ENOX1: variants seen among roughly 807,000 people sequenced by gnomAD.
ENOX1 encodes ecto-NOX disulfide-thiol exchanger 1, also known as candidate growth-related and time keeping constitutive hydroquinone (NADH) oxidase.
A neutral mutation model predicts 82.5 loss-of-function variants in ENOX1; 42 were observed. The ratio of observed to expected loss-of-function variants is 0.51; its 90% CI spans 0.40 to 0.66. The LOEUF (loss-of-function observed/expected upper bound fraction) is 0.66. Among genes scored for constraint, ENOX1 ranks in the 30% least tolerant of loss-of-function variants. The pLI, the probability that ENOX1 is intolerant of heterozygous loss-of-function variation, is 0.00. For missense variants in ENOX1, 608 were observed against 811.6 expected (o/e 0.75, Z 3.05); for synonymous variants, 271 against 282.2 (o/e 0.96, Z 0.40).
intron 2 of ENOX1, among the ~76,000 whole-genome samples, chr13:43,644,236 T>G (rs2083792542): frequency 6.6e-6 from 1 of 152,188 alleles, no homozygotes. Flanking sequence ...TCAACCCTGA[T>G]TAGTATGTGA....
At chr13:43,501,190 A>G (rs1483011986) in intron 2 of ENOX1, among the ~76,000 whole-genome samples, 1 of 151,810 alleles carries the variant, frequency 6.6e-6, no homozygotes, top group Non-Finnish European at 1.5e-5. Context: ...CAAAGCAAAC[A>G]GTAAACAAAA....
chr13:43,482,276 T>C (rs745796391), intron 3 of ENOX1, among the ~76,000 whole-genome samples: 1 of 152,188 alleles, frequency 6.6e-6, no homozygotes, highest in Non-Finnish European at 1.5e-5. Context: ...AAATATGGTC[T>C]ATATGTAGAA....
At chr13:43,540,040 C>A (rs2078640873) in intron 2 of ENOX1, among the ~76,000 whole-genome samples, 1 of 152,142 alleles carries the variant, frequency 6.6e-6, no homozygotes, top group Non-Finnish European at 1.5e-5. Context: ...AACCTTTTTA[C>A]ACACTCATAT....
At chr13:43,498,135 C>A (rs150902813) in intron 2 of ENOX1, among the ~76,000 whole-genome samples, 379 of 152,068 alleles carry the variant, frequency 2.5e-3, no homozygotes, top group Admixed American at 5.9e-3. Context: ...CTTCTCCAGC[C>A]CTTACTGACA....
chr13:43,559,090 T>C (rs2079560797), intron 2 of ENOX1, among the ~76,000 whole-genome samples: 1 of 152,194 alleles, frequency 6.6e-6, no homozygotes, highest in Admixed American at 6.5e-5. Flanking sequence ...CATGGCAATA[T>C]TCAGTCAGCT....
chr13:43,345,079 G>C (rs1439729337), intron 8 of ENOX1, among the ~76,000 whole-genome samples: 1 of 152,066 alleles, frequency 6.6e-6, no homozygotes, highest in Non-Finnish European at 1.5e-5. Context: ...TCTTAAGATG[G>C]ACTTGAAAAA....
chr13:43,236,506 TTGA>T (rs2042558728), intron 15 of ENOX1, 127 bp downstream of exon 15: 1 of 568,140 alleles, frequency 1.8e-6, no homozygotes, highest in Non-Finnish European at 2.9e-6. Context: ...TAATATAATC[TTGA>T]TGAAATTAAT....
At chr13:43,292,732 A>ACCATAGCCACCAACACAG (rs1422374171) in intron 12 of ENOX1, among the ~76,000 whole-genome samples, 17 of 152,080 alleles carry the variant, frequency 1.1e-4, no homozygotes, top group South Asian at 8.3e-4. Context: ...CTCCTTCACC[A>ACCATAGCCACCAACACAG]CCATAGCCAC....
chr13:43,483,107 G>A (rs778230880), intron 3 of ENOX1, among the ~76,000 whole-genome samples: 10 of 152,198 alleles, frequency 6.6e-5, no homozygotes, highest in Admixed American at 3.9e-4. Flanking sequence ...ATTTGTCACC[G>A]TGGACAGAAT....
chr13:43,731,403 T>C (rs2089335487), intron 1 of ENOX1, among the ~76,000 whole-genome samples: 1 of 152,234 alleles, frequency 6.6e-6, no homozygotes, highest in South Asian at 2.1e-4. Context: ...ACAAAGTTTA[T>C]AATATTTTTA....
chr13:43,706,355 T>C (rs2087285083), intron 1 of ENOX1, among the ~76,000 whole-genome samples: 1 of 151,110 alleles, frequency 6.6e-6, no homozygotes, highest in Non-Finnish European at 1.5e-5. Flanking sequence ...TTTGGGTTCT[T>C]GGAAAAAAAA....
At chr13:43,712,726 G>C (rs1027440050) in intron 1 of ENOX1, among the ~76,000 whole-genome samples, 8 of 152,092 alleles carry the variant, frequency 5.3e-5, no homozygotes, top group Non-Finnish European at 1.2e-4. Flanking sequence ...TTTGTTACTG[G>C]TGTATAAGAA....
intron 14 of ENOX1, among the ~76,000 whole-genome samples, chr13:43,240,887 A>G (rs1414538022): frequency 2.6e-5 from 4 of 152,178 alleles, no homozygotes; most frequent in African/African-American, 9.7e-5. Context: ...GCTTGCTTAC[A>G]CTTGATATAA....
At chr13:43,689,726 T>C (rs2086257863) in intron 1 of ENOX1, among the ~76,000 whole-genome samples, 1 of 152,212 alleles carries the variant, frequency 6.6e-6, no homozygotes, top group Non-Finnish European at 1.5e-5. Flanking sequence ...TATACACATA[T>C]GAACTTAATA....
chr13:43,376,408 T>C (rs1407774), intron 5 of ENOX1, among the ~76,000 whole-genome samples: 149,325 of 152,290 alleles, frequency 0.98, 73,281 homozygotes, highest in East Asian at 1. Context: ...GAACAAAGAT[T>C]GCTATAATAC....
chr13:43,487,946 A>T (rs1345994661), intron 2 of ENOX1, among the ~76,000 whole-genome samples: 2 of 152,206 alleles, frequency 1.3e-5, no homozygotes, highest in Admixed American at 1.3e-4. Context: ...TTAATTCAAA[A>T]AAAGCTTGGC....
chr13:43,485,358 T>TA (rs978335534), intron 2 of ENOX1, among the ~76,000 whole-genome samples: 1 of 152,198 alleles, frequency 6.6e-6, no homozygotes, highest in African/African-American at 2.4e-5. Flanking sequence ...TTGGATGCCA[T>TA]AGACTTTTGT....
At chr13:43,289,319 T>C (rs929971003) in intron 12 of ENOX1, among the ~76,000 whole-genome samples, 8 of 152,078 alleles carry the variant, frequency 5.3e-5, no homozygotes, top group Non-Finnish European at 1.2e-4. Flanking sequence ...CTTCAAACTA[T>C]ATACTAAAAA....
At chr13:43,561,372 A>C (rs2079659825) in intron 2 of ENOX1, among the ~76,000 whole-genome samples, 1 of 152,102 alleles carries the variant, frequency 6.6e-6, no homozygotes. Flanking sequence ...TGACCCTCCT[A>C]CTTGATAACT....
Sources: allele counts gnomAD v4.1 joint callset (sites outside exome capture counted in the v4.1 genomes callset), GRCh38; gene constraint gnomAD v4.1.1; transcripts MANE v1.5; gene names NCBI Gene and HGNC (gene_info 2026-07-23, HGNC 2026-07-21).